The following DCAF8L2 variants were observed in gnomAD, a reference collection of about 807,000 sequenced individuals.
DCAF8L2 encodes DDB1- and CUL4-associated factor 8-like protein 2.
For missense variants in DCAF8L2, 430 were observed against 490.7 expected, an observed-to-expected ratio of 0.88 and a Z score of 1.17; for synonymous variants, 200 against 190.9, an observed-to-expected ratio of 1.05 and a Z score of -0.39.
At chrX:27,701,773 G>A (rs750041880) in intron 3 of DCAF8L2, among the ~76,000 whole-genome samples, 1 of 110,118 alleles carries the variant, frequency 9.1e-6, no homozygotes, top group Non-Finnish European at 1.9e-5. Flanking sequence ...CTCTCAAATC[G>A]GTAACATAAA....
At chrX:27,502,318 A>T in the DCAF8L2 span, among the ~76,000 whole-genome samples, 1 of 13,591 alleles carries the variant, frequency 7.4e-5, no homozygotes, top group Non-Finnish European at 1.2e-4. Flanking sequence ...GAAACTCTGT[A>T]AAAAAAAAAA....
the DCAF8L2 span, among the ~76,000 whole-genome samples, chrX:27,554,963 T>C: frequency 1.8e-5 from 2 of 111,700 alleles, no homozygotes; most frequent in Non-Finnish European, 3.8e-5. Flanking sequence ...TCTTTCTGTT[T>C]ATATCTATGG....
intron 4 of DCAF8L2, among the ~76,000 whole-genome samples, chrX:27,736,779 G>A (rs932217498): frequency 1.8e-5 from 2 of 111,569 alleles, no homozygotes; most frequent in African/African-American, 6.5e-5. Flanking sequence ...CTTGAGGGTG[G>A]TCTCTGAGAC....
chrX:27,639,413 A>G (rs778673083), intron 2 of DCAF8L2, among the ~76,000 whole-genome samples: 21 of 111,819 alleles, frequency 1.9e-4, no homozygotes, highest in Admixed American at 3.8e-4. Context: ...TTAATTGTAC[A>G]TTTTAAAACA....
At chrX:27,740,079 T>C (rs936080815) in intron 4 of DCAF8L2, among the ~76,000 whole-genome samples, 1 of 111,587 alleles carries the variant, frequency 9.0e-6, no homozygotes, top group Non-Finnish European at 1.9e-5. Flanking sequence ...AGGGGTATAA[T>C]GTCTTCCTGT....
At chrX:27,617,330 G>T (rs192831409) in intron 1 of DCAF8L2, among the ~76,000 whole-genome samples, 2 of 110,830 alleles carry the variant, frequency 1.8e-5, no homozygotes, top group Admixed American at 1.9e-4. Flanking sequence ...TTCACTGTGG[G>T]ATAGGTAGAG....
the DCAF8L2 span, among the ~76,000 whole-genome samples, chrX:27,527,640 CT>C: frequency 1.8e-5 from 2 of 110,495 alleles, no homozygotes; most frequent in Non-Finnish European, 3.8e-5. Flanking sequence ...TAGACTGGAG[CT>C]ATTCAGCCAT....
intron 1 of DCAF8L2, among the ~76,000 whole-genome samples, chrX:27,603,367 C>T (rs1024553362): frequency 3.6e-5 from 4 of 111,512 alleles, no homozygotes; most frequent in Non-Finnish European, 7.5e-5. Context: ...GCCTACAAAA[C>T]GGCTTAAGAA....
At chrX:27,735,833 G>T (rs991761750) in intron 4 of DCAF8L2, among the ~76,000 whole-genome samples, 2 of 110,876 alleles carry the variant, frequency 1.8e-5, no homozygotes, top group African/African-American at 6.6e-5. Flanking sequence ...ACAGTAAATC[G>T]GCACCCACTA....
chrX:27,483,096 G>A, the DCAF8L2 span, among the ~76,000 whole-genome samples: 1 of 111,309 alleles, frequency 9.0e-6, no homozygotes, highest in Non-Finnish European at 1.9e-5. Context: ...TTACCCGAAC[G>A]TCTTTACTTG....
At chrX:27,723,301 G>T (rs1448368675) in intron 4 of DCAF8L2, among the ~76,000 whole-genome samples, 1 of 110,314 alleles carries the variant, frequency 9.1e-6, no homozygotes, top group East Asian at 2.8e-4. Flanking sequence ...CAAATGAAGA[G>T]CTGTGAAATA....
chrX:27,643,427 G>A (rs1569169658), intron 2 of DCAF8L2, among the ~76,000 whole-genome samples: 2 of 111,127 alleles, frequency 1.8e-5, no homozygotes, highest in Non-Finnish European at 3.8e-5. Context: ...TTCTTTTTTT[G>A]TACTCTTGTT....
the DCAF8L2 span, among the ~76,000 whole-genome samples, chrX:27,547,877 C>T: frequency 7.6e-5 from 5 of 65,631 alleles, no homozygotes; most frequent in Non-Finnish European, 8.8e-5. Context: ...CTCTTTCTCT[C>T]TCTCTCTCTC....
At chrX:27,538,464 G>A in the DCAF8L2 span, among the ~76,000 whole-genome samples, 10 of 110,534 alleles carry the variant, frequency 9.0e-5, no homozygotes, top group East Asian at 2.6e-3. Flanking sequence ...CATGATCTTG[G>A]CTCACTGCAA....
chrX:27,538,963 A>C, the DCAF8L2 span, among the ~76,000 whole-genome samples: 1 of 112,302 alleles, frequency 8.9e-6, no homozygotes, highest in African/African-American at 3.2e-5. Context: ...TGTAATCCTA[A>C]TGTGTACCTG....
Position 27,748,142 on chromosome X carries a change from T to C in DCAF8L2, c.1247T>C (p.Leu416Pro). Residue 416 changes from leucine (L) to proline (P), a missense_variant, in exon 5 of 5, where the codon CTG becomes CCG. Physicochemically the swap from Leu to Pro is moderately conservative, Grantham distance 98. Coordinates refer to ENST00000451261, the MANE Select transcript of DCAF8L2 (RefSeq NM_001353450.2). Reference sequence around the variant, plus strand: ...CTCAAGAAATTCACTCCTCATCATCTGGTTAATTGTGATTTCCCAACAAAC... The same window carrying C: ...CTCAAGAAATTCACTCCTCATCATCCGGTTAATTGTGATTTCCCAACAAAC... Reference protein sequence around the residue: ...GVLKKFTPHHLVNCDFPTNIT... With the variant: ...GVLKKFTPHHPVNCDFPTNIT... 1.7e-6 allele frequency: 2 copies of C among 1,211,940 alleles called. No individual in the cohort carries two copies. The highest frequency in any genetic ancestry group is 1.7e-5 in the African/African-American group (1 of 57,846).
the DCAF8L2 span, among the ~76,000 whole-genome samples, chrX:27,480,353 A>G: frequency 1.2e-4 from 14 of 112,150 alleles, no homozygotes; most frequent in African/African-American, 4.2e-4. Flanking sequence ...TCTCAAATCC[A>G]TTCTCTCTCC....
intron 2 of DCAF8L2, among the ~76,000 whole-genome samples, chrX:27,673,082 C>T (rs768161977): frequency 2.0e-5 from 2 of 102,191 alleles, no homozygotes; most frequent in Non-Finnish European, 4.0e-5. Flanking sequence ...CACACTCACA[C>T]AGTAATATGC....
At chrX:27,637,277 C>T (rs755383661) in intron 2 of DCAF8L2, among the ~76,000 whole-genome samples, 1 of 112,166 alleles carries the variant, frequency 8.9e-6, no homozygotes, top group African/African-American at 3.2e-5. Flanking sequence ...GTACTCAGGG[C>T]TTCTGAAATT....
Sources: allele counts gnomAD v4.1 joint callset (sites outside exome capture counted in the v4.1 genomes callset), GRCh38; gene constraint gnomAD v4.1.1; transcripts MANE v1.5; gene names NCBI Gene and HGNC (gene_info 2026-07-23, HGNC 2026-07-21).